Variants in TBCA observed in about 807,000 individuals in gnomAD.
TBCA encodes the protein tubulin folding cofactor A.
A neutral mutation model predicts 15.8 loss-of-function variants in TBCA; 6 were observed. That is an observed-to-expected ratio of 0.38 (90% CI 0.21 to 0.75). TBCA has a LOEUF of 0.75. Ranked by LOEUF, TBCA falls within the 30% of genes least tolerant of loss-of-function variation. The pLI, the probability that TBCA is intolerant of heterozygous loss-of-function variation, is 0.46. For missense variants in TBCA, 90 were observed against 131.2 expected (o/e 0.69, Z 1.53); for synonymous variants, 32 against 42.3 (o/e 0.76, Z 0.94).
intron 2 of TBCA, among the ~76,000 whole-genome samples, chr5:77,705,851 T>TA (rs969222838): frequency 5.9e-5 from 9 of 152,096 alleles, no homozygotes; most frequent in Admixed American, 2.0e-4. Context: ...TTATTAATAT[T>TA]AAAAAATAAA....
intron 3 of TBCA, chr5:77,692,598 T>C (rs777888824): frequency 9.1e-6 from 9 of 985,500 alleles, no homozygotes; most frequent in Non-Finnish European, 1.1e-5. Flanking sequence ...AACATTATTT[T>C]TTTCCAAGCA....
At chr5:77,758,283 T>C (rs1166336748) in intron 1 of TBCA, among the ~76,000 whole-genome samples, 1 of 152,212 alleles carries the variant, frequency 6.6e-6, no homozygotes, top group African/African-American at 2.4e-5. Flanking sequence ...GGCCTGGGCC[T>C]GCCTGGCCTA....
At chr5:77,727,474 T>C (rs1280350307) in intron 1 of TBCA, among the ~76,000 whole-genome samples, 2 of 152,088 alleles carry the variant, frequency 1.3e-5, no homozygotes, top group Non-Finnish European at 2.9e-5. Context: ...TAAAGAGTTA[T>C]AGGAAATGAG....
chr5:77,758,681 T>G (rs1009737060), intron 1 of TBCA, among the ~76,000 whole-genome samples: 3 of 152,122 alleles, frequency 2.0e-5, no homozygotes, highest in African/African-American at 7.2e-5. Flanking sequence ...GCTGCCTTCA[T>G]GTGTAGTGCT....
At chr5:77,747,852 T>G (rs963715473) in intron 1 of TBCA, among the ~76,000 whole-genome samples, 1 of 152,170 alleles carries the variant, frequency 6.6e-6, no homozygotes, top group Admixed American at 6.5e-5. Context: ...TTTTCTCCTT[T>G]TAAGACTACA....
chr5:77,752,442 C>A (rs1051695140), intron 1 of TBCA, among the ~76,000 whole-genome samples: 6 of 152,198 alleles, frequency 3.9e-5, no homozygotes, highest in African/African-American at 1.4e-4. Flanking sequence ...CCGCTCACTG[C>A]AACCTCCGCC....
chr5:77,744,792 TC>T (rs746706107), intron 1 of TBCA, among the ~76,000 whole-genome samples: 6 of 152,118 alleles, frequency 3.9e-5, no homozygotes, highest in Non-Finnish European at 8.8e-5. Flanking sequence ...CGCTTCGGCC[TC>T]CAAAAGTGCT....
chr5:77,736,582 T>G (rs914941621), intron 1 of TBCA, among the ~76,000 whole-genome samples: 3 of 152,198 alleles, frequency 2.0e-5, no homozygotes, highest in African/African-American at 7.2e-5. Flanking sequence ...GTCCATGCGA[T>G]GCCCCCCAAA....
intron 3 of TBCA, chr5:77,692,307 C>T (rs748299877): frequency 6.1e-6 from 6 of 985,234 alleles, no homozygotes; most frequent in African/African-American, 1.7e-5. Context: ...TCAAACTATA[C>T]GTAAGAATTT....
At chr5:77,760,334 G>C (rs1747583038) in intron 1 of TBCA, among the ~76,000 whole-genome samples, 1 of 152,166 alleles carries the variant, frequency 6.6e-6, no homozygotes, top group Non-Finnish European at 1.5e-5. Flanking sequence ...ACATAAATTA[G>C]GAATTTGAGT....
intron 3 of TBCA, chr5:77,691,932 T>A (rs1173123565): frequency 1.0e-6 from 1 of 988,464 alleles, no homozygotes; most frequent in Admixed American, 6.1e-5. Flanking sequence ...AGGCTTCTGA[T>A]GTCACAACAG....
At chr5:77,709,387 T>G (rs1012822122) in intron 1 of TBCA, among the ~76,000 whole-genome samples, 1 of 152,202 alleles carries the variant, frequency 6.6e-6, no homozygotes, top group Non-Finnish European at 1.5e-5. Context: ...TAGCTCAATC[T>G]TCCCTAATTC....
intron 1 of TBCA, among the ~76,000 whole-genome samples, chr5:77,744,405 G>A (rs164815): frequency 0.56 from 84,985 of 151,576 alleles, 23,992 homozygotes; most frequent in South Asian, 0.66. Flanking sequence ...CCAAAATATC[G>A]AAAGTGCCAA....
chr5:77,772,724 T>C (rs1027496907), intron 1 of TBCA, among the ~76,000 whole-genome samples: 17 of 152,162 alleles, frequency 1.1e-4, no homozygotes, highest in African/African-American at 4.1e-4. Context: ...AGAAAAGTCA[T>C]TTTAAAATGT....
chr5:77,758,474 T>G (rs1026169298), intron 1 of TBCA, among the ~76,000 whole-genome samples: 1 of 152,242 alleles, frequency 6.6e-6, no homozygotes, highest in African/African-American at 2.4e-5. Flanking sequence ...TTTAGTGTTG[T>G]GAGCCCTTAA....
chr5:77,711,158 C>T lies in TBCA; in HGVS notation c.54-2811G>A, dbSNP rs756823457. Among the ~76,000 whole-genome samples the T allele has an allele frequency of 7.9e-5, 12 of 152,096 alleles. No individual in the cohort carries two copies. The East Asian group carries it at 1.4e-3, about 17-fold the overall frequency. ...AAAATTTTTTAAAAGATTTGTCATA[C>T]GAAAATACAGAATTCAAATTTAATA... On this transcript the variant is annotated intron_variant, in intron 1 of 3. Transcript: ENST00000380377.
At position 77,756,862 on chromosome 5, in the gene TBCA, C is replaced by G. The variant is rs567662964; in HGVS notation, c.53+19343G>C. The stretch of plus-strand genomic sequence containing the variant: ...CTTGAAACTCCACAAACAGAACACC[C>G]CAAAAACAGGTGAATGCACCTTTGT... On this transcript the variant is annotated intron_variant, in intron 1 of 3. Coordinates refer to ENST00000380377, the MANE Select transcript of TBCA (RefSeq NM_004607.3). 6.9e-4 allele frequency among the ~76,000 whole-genome samples: 103 copies of G among 150,352 alleles called. 2 individuals carry two copies. The highest frequency in any genetic ancestry group is 1.1e-3 in the Non-Finnish European group (73 of 67,400).
chr5:77,772,488 TAATAA>T (rs1337357489), intron 1 of TBCA, among the ~76,000 whole-genome samples: 6 of 151,630 alleles, frequency 4.0e-5, no homozygotes, highest in African/African-American at 1.5e-4. Flanking sequence ...AAATAAATAA[TAATAA>T]AATAAAAATA....
chr5:77,772,019 C>T (rs770213117), intron 1 of TBCA, among the ~76,000 whole-genome samples: 16 of 150,418 alleles, frequency 1.1e-4, no homozygotes, highest in Admixed American at 2.6e-4. Context: ...GAACGTCTAA[C>T]CAGAAAAAGA....
Sources: allele counts gnomAD v4.1 joint callset (sites outside exome capture counted in the v4.1 genomes callset), GRCh38; gene constraint gnomAD v4.1.1; transcripts MANE v1.5; gene names NCBI Gene and HGNC (gene_info 2026-07-23, HGNC 2026-07-21).